The following ZNF263 variants were observed in gnomAD, a reference collection of about 807,000 sequenced individuals.
ZNF263 encodes the protein zinc finger protein 263, also known as zinc finger protein FPM315.
A neutral mutation model predicts 63.1 loss-of-function variants in ZNF263; 49 were observed. The ratio of observed to expected loss-of-function variants is 0.78; its 90% CI spans 0.62 to 0.99. The LOEUF is 0.99. ZNF263 is among the 50% of genes least tolerant of loss of function. The pLI, the probability that ZNF263 is intolerant of heterozygous loss-of-function variation, is 0.00. For synonymous variants in ZNF263, 352 were observed against 324.2 expected (o/e 1.09, Z -0.92); for missense variants, 872 against 854.8 (o/e 1.02, Z -0.25).
intron 2 of ZNF263, 139 bp from the exon 3 acceptor site, chr16:3,285,542 C>T (rs771465337): frequency 2.4e-6 from 2 of 837,912 alleles, no homozygotes; most frequent in Non-Finnish European, 3.9e-6. Context: ...TGGATATCAG[C>T]TGATTAGGCC....
downstream of ZNF263, among the ~76,000 whole-genome samples, chr16:3,295,239 T>C (rs927887586): frequency 2.2e-4 from 34 of 152,074 alleles, no homozygotes; most frequent in African/African-American, 8.2e-4. Flanking sequence ...CCCCTCAGCG[T>C]CGGCTCTGCC....
In ZNF263 at chr16:3,290,246, T is replaced by C; in HGVS notation, c.1740T>C (p.Cys580=). Residue 580 remains cysteine, a synonymous_variant, in exon 6 of 6, where the codon TGT becomes TGC. Transcript: ENST00000219069. ...AGAAGCTCTTTGAATGTTTGACTTG[T>C]GGGAAAAGCTTCCGGCAGGGCATGC... ...AEKKLFECLT[C]GKSFRQGMHL... is the part of the protein sequence containing the mutation. 1 of 1,614,104 alleles carries C rather than the reference T, an allele frequency of 6.2e-7. No homozygotes were observed. Among genetic ancestry groups the C allele is most frequent in the Non-Finnish European group, 8.5e-7 (1 of 1,180,020 alleles).
chr16:3,300,613 A>G, intron 2 of ZNF263: 1 of 1,555,250 alleles, frequency 6.4e-7, no homozygotes. Context: ...TCTCTTATTC[A>G]TACTGAATTT....
chr16:3,292,665 A>G (rs1959642162), downstream of ZNF263, among the ~76,000 whole-genome samples: 1 of 152,226 alleles, frequency 6.6e-6, no homozygotes, highest in Admixed American at 6.5e-5. Context: ...AACATCACCC[A>G]CACAGATCTT....
rs546367139 is a variant in ZNF263, at chr16:3,289,544, G to A, written c.1038G>A (p.Ala346=). 71 of 1,607,622 alleles carry A rather than the reference G, an allele frequency of 4.4e-5. No individual in the cohort carries two copies. The highest frequency in any genetic ancestry group is 6.7e-5 in the East Asian group (3 of 44,836). The part of the protein sequence containing the change: ...RPHDRSQGDW[A]PPPEGGMEQA... The stretch of plus-strand genomic sequence containing the variant: ...ATGACCGGTCGCAAGGGGATTGGGC[G>A]CCTCCCCCAGAGGGTGGAATGGAGC... The change falls in exon 6 of 6, where the codon GCG becomes GCA. Residue 346 remains alanine, a synonymous_variant. Transcript: ENST00000219069.
intron 4 of ZNF263, among the ~76,000 whole-genome samples, chr16:3,287,405 C>CTTTTTTTTTTTT (rs34751211): frequency 2.0e-5 from 2 of 97,866 alleles, no homozygotes; most frequent in African/African-American, 4.1e-5. Flanking sequence ...CACACCCGGC[C>CTTTTTTTTTTTT]TTTTTTTTTT....
chr16:3,291,430 G>C lies in ZNF263; in HGVS notation c.*872G>C, dbSNP rs895157164. 1 of 985,306 alleles carries C rather than the reference G, an allele frequency of 1.0e-6. No individual in the cohort carries two copies. Among genetic ancestry groups the C allele is most frequent in the African/African-American group, 1.7e-5 (1 of 57,232 alleles). 61.0% of individuals were successfully genotyped at this position (985,306 alleles called of 1,614,324 possible). ...TGTCTTTCCCTGTTGAAAATGTTTGGATGGGAATAAATATCTTCAGGAAAC... is the reference window on the plus strand; with the variant it reads ...TGTCTTTCCCTGTTGAAAATGTTTGCATGGGAATAAATATCTTCAGGAAAC... On this transcript the variant is annotated 3_prime_UTR_variant, in exon 6 of 6. Coordinates refer to ENST00000219069, the MANE Select transcript of ZNF263 (RefSeq NM_005741.5).
chr16:3,289,948 A>G lies in ZNF263; in HGVS notation c.1442A>G (p.Gln481Arg). 1 of 1,614,188 alleles carries G rather than the reference A, an allele frequency of 6.2e-7. No homozygotes were observed. Among genetic ancestry groups the G allele is most frequent in the Non-Finnish European group, 8.5e-7 (1 of 1,180,040 alleles). The change falls in exon 6 of 6, where the codon CAG becomes CGG. Residue 481 changes from glutamine (Q) to arginine (R), a missense_variant. Gln to Arg is a conservative substitution (Grantham distance 43). Coordinates refer to ENST00000219069, the MANE Select transcript of ZNF263 (RefSeq NM_005741.5). Reference sequence around the variant, plus strand: ...TGCAACTCCAACCTCCACAGGCACCAGAGAACGCACACTGGGGAGAAGCCC... The same window carrying G: ...TGCAACTCCAACCTCCACAGGCACCGGAGAACGCACACTGGGGAGAAGCCC... ...FSCNSNLHRH[Q>R]RTHTGEKPYK...
chr16:3,286,468 G>A (rs1022801070), intron 4 of ZNF263: 1 of 194,450 alleles, frequency 5.1e-6, no homozygotes, highest in East Asian at 1.3e-4. Context: ...ATGCTGGGGG[G>A]CTCTAAATGG....
downstream of ZNF263, among the ~76,000 whole-genome samples, chr16:3,292,305 G>C (rs1433302463): frequency 6.6e-6 from 1 of 152,196 alleles, no homozygotes; most frequent in Non-Finnish European, 1.5e-5. Flanking sequence ...CCCTGCCTCA[G>C]TTTAGTATGT....
chr16:3,285,024 T>C (rs1469794220), intron 1 of ZNF263, 35 bp from the exon 2 acceptor site: 1 of 1,611,300 alleles, frequency 6.2e-7, no homozygotes, highest in Non-Finnish European at 8.5e-7. Context: ...TCTTGGGCCC[T>C]GTTGTGATGA....
In ZNF263 at chr16:3,289,738, G is replaced by A. The variant is rs189669184; in HGVS notation, c.1232G>A (p.Cys411Tyr). The change falls in exon 6 of 6, where the codon TGC (cysteine) becomes TAC (tyrosine). Residue 411 changes from cysteine (C) to tyrosine (Y), a missense_variant. Coordinates refer to ENST00000219069, the MANE Select transcript of ZNF263 (RefSeq NM_005741.5). ...GAAAGACTGTGTATGGGTGTGGACT[G>A]CACTGAAATCTTTGGTGGGAACCCA... ...AAERLCMGVD[C>Y]TEIFGGNPRF... The A allele has an allele frequency of 6.8e-6, 11 of 1,614,248 alleles. No individual in the cohort carries two copies. In the Admixed American group the frequency reaches 1.8e-4, roughly 27 times the overall value.
At chr16:3,285,783 C>T (rs199550001) in intron 3 of ZNF263, 29 bp downstream of exon 3, 3 of 1,611,958 alleles carry the variant, frequency 1.9e-6, no homozygotes, top group East Asian at 2.2e-5. Context: ...TTGTCTCCCC[C>T]CAGCACCCTT....
downstream of ZNF263, among the ~76,000 whole-genome samples, chr16:3,296,351 G>A (rs150207689): frequency 5.3e-5 from 8 of 152,224 alleles, no homozygotes; most frequent in African/African-American, 1.7e-4. Context: ...CAAACTAAAA[G>A]GAACTAGAGA....
Position 3,291,059 on chromosome 16 carries a change from C to A in ZNF263, c.*501C>A. ...TGTGAGTTGCAGCTGTCCCGAAGGC[C>A]CCAGTTGGGAAGCCATGGGCAGTCC... On this transcript the variant is annotated 3_prime_UTR_variant, in exon 6 of 6. Transcript: ENST00000219069. 1.0e-6 allele frequency: 1 copy of A among 993,918 alleles called. No individual in the cohort carries two copies. Among genetic ancestry groups the A allele is most frequent in the Non-Finnish European group, 1.2e-6 (1 of 834,032 alleles). 61.6% of individuals were successfully genotyped at this position (993,918 alleles called of 1,614,324 possible).
intron 4 of ZNF263, 143 bp from the exon 5 acceptor site, chr16:3,288,311 C>T (rs1224572402): frequency 1.1e-5 from 7 of 643,320 alleles, no homozygotes; most frequent in Middle Eastern, 8.4e-4. Context: ...CCACTGGGAA[C>T]AGTTTGTGTA....
chr16:3,295,231 C>T (rs565646807), downstream of ZNF263, among the ~76,000 whole-genome samples: 2 of 152,278 alleles, frequency 1.3e-5, no homozygotes, highest in Non-Finnish European at 2.9e-5. Context: ...CTGCCGCTCC[C>T]CTCAGCGTCG....
In ZNF263 at chr16:3,283,715, C is replaced by T. The variant is rs1249879767; in HGVS notation, c.-104C>T. On this transcript the variant is annotated 5_prime_UTR_variant, in exon 1 of 6. Transcript: ENST00000219069. Reference sequence around the variant, plus strand: ...CTCCTCGGCCTGGACTGGGAGCCCCCGGCCCCGGGCTCCTGCTGGCGCCGT... The same window carrying T: ...CTCCTCGGCCTGGACTGGGAGCCCCTGGCCCCGGGCTCCTGCTGGCGCCGT... 3.4e-5 allele frequency: 47 copies of T among 1,395,504 alleles called. No homozygotes were observed. Among genetic ancestry groups the T allele is most frequent in the Non-Finnish European group, 4.2e-5 (45 of 1,078,702 alleles). 86.4% of individuals were successfully genotyped at this position (1,395,504 alleles called of 1,614,324 possible).
In ZNF263 at chr16:3,290,690, G is replaced by T; in HGVS notation, c.*132G>T. On this transcript the variant is annotated 3_prime_UTR_variant, in exon 6 of 6. Coordinates refer to ENST00000219069, the MANE Select transcript of ZNF263 (RefSeq NM_005741.5). Reference sequence around the variant, plus strand: ...TCAGGTAATGGGGGCTCATTGTGAGGGAGGTGCAGAGGCAGCAGAGGATTG... The same window carrying T: ...TCAGGTAATGGGGGCTCATTGTGAGTGAGGTGCAGAGGCAGCAGAGGATTG... 4.2e-6 allele frequency: 6 copies of T among 1,444,762 alleles called. No individual in the cohort carries two copies. The highest frequency in any genetic ancestry group is 5.4e-6 in the Non-Finnish European group (6 of 1,105,508). The allele number at this position is 1,444,762 out of a possible 1,614,324, so 89.5% of individuals were successfully genotyped here. A position where few individuals can be genotyped will look rare whatever the true frequency, so the allele number is the denominator to read the frequency against.
Sources: gnomAD v4.1 joint callset for allele counts (sites outside exome capture counted in the v4.1 genomes callset) on GRCh38, gnomAD v4.1.1 for gene constraint, MANE v1.5 for transcripts, NCBI Gene and HGNC (gene_info 2026-07-23, HGNC 2026-07-21) for gene names.